The following MAP7D3 variants were observed in gnomAD, a reference collection of about 807,000 sequenced individuals.
The protein encoded by MAP7D3 is MAP7 domain-containing protein 3.
Under a neutral mutation model 62.2 loss-of-function variants are expected in MAP7D3, and 45 were observed. The ratio of observed to expected loss-of-function variants is 0.72; its 90% CI spans 0.57 to 0.93. The LOEUF (loss-of-function observed/expected upper bound fraction) is 0.93, where lower values mean the gene tolerates loss of function less well. Ranked by LOEUF, MAP7D3 falls within the 40% of genes least tolerant of loss-of-function variation. MAP7D3 has a pLI of 0.00. For missense variants in MAP7D3, 711 were observed against 683.1 expected (o/e 1.04, Z -0.45); for synonymous variants, 288 against 248.8 (o/e 1.16, Z -1.48).
chrX:136,234,749 T>C (rs2074310414), intron 7 of MAP7D3, among the ~76,000 whole-genome samples: 1 of 112,091 alleles, frequency 8.9e-6, no homozygotes, highest in Non-Finnish European at 1.9e-5. Context: ...TTTCCAGGGC[T>C]GGATAATGAA....
At chrX:136,215,804 A>G (rs973430873), downstream of MAP7D3, among the ~76,000 whole-genome samples, 4 of 111,979 alleles carry the variant, frequency 3.6e-5, no homozygotes, top group Non-Finnish European at 5.6e-5. Context: ...TCATTAAGAG[A>G]TGAGTATAAA....
At position 136,220,915 on chromosome X, in the gene MAP7D3, T is replaced by C. The variant is rs774436016; in HGVS notation, c.2336A>G (p.Asn779Ser). 70 of 1,208,053 alleles carry C rather than the reference T, an allele frequency of 5.8e-5. No homozygotes were observed. The highest frequency in any genetic ancestry group is 4.5e-6 in the Non-Finnish European group (4 of 893,165). ...GSPTKFKMPF[N>S]NAKKMTHKLV... is the part of the protein sequence containing the mutation. Reference sequence around the variant, plus strand: ...CTTGTGTGTCATTTTCTTGGCATTGTTGAACGGCATTTTAAATTTGGTAGG... The same window carrying C: ...CTTGTGTGTCATTTTCTTGGCATTGCTGAACGGCATTTTAAATTTGGTAGG... Residue 779 changes from asparagine (N) to serine (S), a missense_variant, in exon 16 of 19, where the codon AAC (asparagine) becomes AGC (serine). By Grantham distance (46) the Asn-to-Ser change is conservative (BLOSUM62 1). Coordinates refer to ENST00000316077, the MANE Select transcript of MAP7D3 (RefSeq NM_024597.4).
Position 136,216,856 on chromosome X carries a change from G to A in MAP7D3, c.*1670C>T, listed in dbSNP as rs767556950. 8.9e-6 allele frequency: 1 copy of A among 112,068 alleles called. No individual in the cohort carries two copies. The highest frequency in any genetic ancestry group is 3.2e-5 in the African/African-American group (1 of 30,860). The allele number at this position is 112,068 out of a possible 1,213,427, so 9.2% of individuals were successfully genotyped here. A position where few individuals can be genotyped will look rare whatever the true frequency, so the allele number is the denominator to read the frequency against. ...ATTTTATATAGCACACATTTATATG[G>A]AACTGTAACAGTGTTTCAACACAAG... On this transcript the variant is annotated 3_prime_UTR_variant, in exon 19 of 19. Transcript: ENST00000316077.
chrX:136,242,434 C>T (rs1425556595), intron 4 of MAP7D3, among the ~76,000 whole-genome samples: 2 of 110,634 alleles, frequency 1.8e-5, no homozygotes, highest in Non-Finnish European at 3.8e-5. Flanking sequence ...CCACACTCAT[C>T]CCTCCTCAGC....
Position 136,232,067 on chromosome X carries a change from G to A in MAP7D3, c.890C>T (p.Thr297Ile). 4 of 1,210,971 alleles carry A rather than the reference G, an allele frequency of 3.3e-6. No homozygotes were observed. Among genetic ancestry groups the A allele is most frequent in the South Asian group, 3.5e-5 (2 of 56,972 alleles). The change falls in exon 8 of 19, where the codon ACA becomes ATA. Residue 297 changes from threonine to isoleucine, a missense_variant. Thr to Ile is a moderately conservative substitution (Grantham distance 89, BLOSUM62 -1). Coordinates refer to ENST00000316077, the MANE Select transcript of MAP7D3 (RefSeq NM_024597.4). ...VEESPLEKVE[T>I]PPKASVDAPP... ...TGCATCCACACTTGCCTTGGGAGGT[G>A]TCTCTACTTTCTCCAAGGGAGACTC...
intron 14 of MAP7D3, among the ~76,000 whole-genome samples, chrX:136,223,728 G>A (rs979467464): frequency 5.4e-5 from 6 of 110,890 alleles, no homozygotes; most frequent in Non-Finnish European, 1.1e-4. Flanking sequence ...GAAAATACTG[G>A]TAAATTCAAG....
chrX:136,230,707 C>T, intron 9 of MAP7D3, 114 bp from the exon 10 acceptor site: 3 of 895,158 alleles, frequency 3.4e-6, no homozygotes, highest in Non-Finnish European at 4.7e-6. Flanking sequence ...AAAAATAAAT[C>T]CCTTTTTACA....
Position 136,222,397 on chromosome X carries a change from T to G in MAP7D3, c.2283A>C (p.Pro761=). The part of the protein sequence containing the change: ...SDKDSLNEMF[P]SAILNGTGSP... ...AGCTCCTAAATGGTGACTAACCTGA[T>G]GGAAACATTTCATTCAATGAGTCCT... Residue 761 remains proline, a synonymous_variant, in exon 15 of 19, where the codon CCA becomes CCC. Coordinates refer to ENST00000316077, the MANE Select transcript of MAP7D3 (RefSeq NM_024597.4). The G allele has an allele frequency of 2.5e-6, 3 of 1,203,665 alleles. No homozygotes were observed. In the East Asian group the frequency reaches 8.9e-5, roughly 36 times the overall value.
rs766178650 is a variant in MAP7D3 at position 136,230,857 on chromosome X, G to A, written c.1523C>T (p.Pro508Leu). The change falls in exon 9 of 19, where the codon CCG becomes CTG. Residue 508 changes from proline (P) to leucine (L), a missense_variant. Physicochemically the swap from Pro to Leu is moderately conservative, Grantham distance 98 (BLOSUM62 -3). Transcript: ENST00000316077. ...SSSPENACGL[P>L]SPISTNRQIQ... Reference sequence around the variant, plus strand: ...TGCTTACTTAGTGCTGATGGGAGACGGCAGACCACAAGCATTTTCAGGAGA... The same window carrying A: ...TGCTTACTTAGTGCTGATGGGAGACAGCAGACCACAAGCATTTTCAGGAGA... 12 of 1,205,724 alleles carry A rather than the reference G, an allele frequency of 1.0e-5. No individual in the cohort carries two copies. In the African/African-American group the frequency reaches 1.4e-4, roughly 14 times the overall value.
intron 11 of MAP7D3, 76 bp from the exon 12 acceptor site, chrX:136,227,507 G>A: frequency 2.8e-6 from 2 of 707,522 alleles, no homozygotes; most frequent in Admixed American, 2.8e-5. Flanking sequence ...AGTTTTTATA[G>A]TGAAACTTCC....
intron 10 of MAP7D3, 113 bp from the exon 11 acceptor site, chrX:136,228,871 A>C: frequency 1.7e-6 from 1 of 571,448 alleles, no homozygotes; most frequent in African/African-American, 2.4e-5. Context: ...CGTAGTCCAA[A>C]ATTTATAAAT....
chrX:136,230,254 T>A, intron 10 of MAP7D3, 131 bp downstream of exon 10: 1 of 447,747 alleles, frequency 2.2e-6, no homozygotes, highest in South Asian at 3.7e-5. Flanking sequence ...ATTGGTTAGA[T>A]TCTCTCTTTC....
rs745687112 is a variant in MAP7D3 at position 136,228,611 on chromosome X, CT to C, written c.1886+11del. The C allele has an allele frequency of 8.3e-7, 1 of 1,201,337 alleles. No homozygotes were observed. Among genetic ancestry groups the C allele is most frequent in the East Asian group, 3.0e-5 (1 of 33,139 alleles). ...AAGATTTATAGTATAGGAAGGAAGA[CT>C]TTGTGCTGACCTTTGCTGCATTTCT... On this transcript the variant is annotated intron_variant, in intron 11 of 18. Coordinates refer to ENST00000316077, the MANE Select transcript of MAP7D3 (RefSeq NM_024597.4).
At position 136,216,927 on chromosome X, in the gene MAP7D3, G is replaced by T. The variant is rs1272709439; in HGVS notation, c.*1599C>A. On this transcript the variant is annotated 3_prime_UTR_variant, in exon 19 of 19. Coordinates refer to ENST00000316077, the MANE Select transcript of MAP7D3 (RefSeq NM_024597.4). ...CAGGAACTCTTTTGTTAGGATGATT[G>T]TCTCTGTTTTATACATGAAAGAGCT... 1 of 112,359 alleles carries T rather than the reference G, an allele frequency of 8.9e-6. No individual in the cohort carries two copies. The highest frequency in any genetic ancestry group is 9.4e-5 in the Admixed American group (1 of 10,592). 9.3% of individuals were successfully genotyped at this position (112,359 alleles called of 1,213,427 possible).
In MAP7D3 at chrX:136,246,286, A is replaced by G. The variant is rs1205852626; in HGVS notation, c.126T>C (p.Arg42=). ...KERRKQDVVN[R]VATHSSNIRS... ...TTATATTTGAGGAATGGGTTGCAAC[A>G]CGATTAACCACATCTTGCTTCCTCC... is the stretch of plus-strand genomic sequence containing the variant. Residue 42 remains arginine (R), a synonymous_variant, in exon 2 of 19, where the codon CGT becomes CGC. Coordinates refer to ENST00000316077, the MANE Select transcript of MAP7D3 (RefSeq NM_024597.4). 2 of 1,205,359 alleles carry G rather than the reference A, an allele frequency of 1.7e-6. No individual in the cohort carries two copies. Among genetic ancestry groups the G allele is most frequent in the Non-Finnish European group, 2.2e-6 (2 of 889,790 alleles).
chrX:136,246,453 T>C (rs993412577), intron 1 of MAP7D3, 112 bp from the exon 2 acceptor site: 1 of 503,451 alleles, frequency 2.0e-6, no homozygotes, highest in African/African-American at 2.4e-5. Context: ...ATCACTTCTA[T>C]AAATCATGAC....
At chrX:136,224,113 T>C (rs747153109) in intron 14 of MAP7D3, among the ~76,000 whole-genome samples, 1 of 78,428 alleles carries the variant, frequency 1.3e-5, no homozygotes, top group African/African-American at 4.8e-5. Flanking sequence ...TAAGAAAAGA[T>C]AAACTGGCTG....
intron 15 of MAP7D3, among the ~76,000 whole-genome samples, chrX:136,222,061 G>A (rs750421210): frequency 5.3e-5 from 6 of 112,524 alleles, no homozygotes; most frequent in South Asian, 7.4e-4. Flanking sequence ...TGGATGCCTT[G>A]AGGAGCTGAG....
At chrX:136,238,605 T>C (rs113811541) in intron 6 of MAP7D3, among the ~76,000 whole-genome samples, 64 of 111,554 alleles carry the variant, frequency 5.7e-4, no homozygotes, top group African/African-American at 1.9e-3. Context: ...TATATAAAAG[T>C]GCTTTGGGAA....
Sources: gnomAD v4.1 joint callset for allele counts (sites outside exome capture counted in the v4.1 genomes callset) on GRCh38, gnomAD v4.1.1 for gene constraint, MANE v1.5 for transcripts, NCBI Gene and HGNC (gene_info 2026-07-23, HGNC 2026-07-21) for gene names.